Variants in E2F3 observed in about 807,000 individuals in gnomAD.
E2F3 encodes transcription factor E2F3.
A neutral mutation model predicts 44.4 loss-of-function variants in E2F3; 11 were observed. The observed-to-expected ratio is 0.25, with a 90% CI of 0.16 to 0.41. E2F3 has a LOEUF of 0.41. Among genes scored for constraint, E2F3 ranks in the 10% least tolerant of loss-of-function variants. The pLI is 1.00. For missense variants in E2F3, 487 were observed against 583.6 expected, an observed-to-expected ratio of 0.83 and a Z score of 1.70; for synonymous variants, 249 against 253.0, an observed-to-expected ratio of 0.98 and a Z score of 0.15.
intron 1 of E2F3, among the ~76,000 whole-genome samples, chr6:20,419,707 G>A (rs946176175): frequency 1.1e-4 from 16 of 144,282 alleles, no homozygotes; most frequent in Non-Finnish European, 2.1e-4. Flanking sequence ...CTGGACTACA[G>A]GCGCACGCCA....
In E2F3 at chr6:20,486,814, A is replaced by G. The variant is rs1489141498; in HGVS notation, c.999+11A>G. On this transcript the variant is annotated intron_variant, in intron 5 of 6. Transcript: ENST00000346618. ...CCTGACTCAATAGAGGTAAGGAGAC[A>G]GCGTCTTTGTTCATCTGCAAAGATC... 2 of 1,542,600 alleles carry G rather than the reference A, an allele frequency of 1.3e-6. No homozygotes were observed. The highest frequency in any genetic ancestry group is 2.3e-5 in the South Asian group (2 of 86,860).
At chr6:20,422,367 T>C (rs1490325220) in intron 1 of E2F3, among the ~76,000 whole-genome samples, 6 of 152,218 alleles carry the variant, frequency 3.9e-5, no homozygotes, top group African/African-American at 1.2e-4. Flanking sequence ...TGGTTTGATC[T>C]TCTATCCAGA....
intron 1 of E2F3, among the ~76,000 whole-genome samples, chr6:20,459,253 CAG>C (rs1440935794): frequency 2.0e-5 from 3 of 152,164 alleles, no homozygotes; most frequent in Non-Finnish European, 4.4e-5. Flanking sequence ...GCCTGGGTGA[CAG>C]AGTGAAACTC....
intron 6 of E2F3, among the ~76,000 whole-genome samples, chr6:20,489,540 ATT>A (rs1762497145): frequency 6.6e-6 from 1 of 152,160 alleles, no homozygotes; most frequent in South Asian, 2.1e-4. Flanking sequence ...GTATGTATAT[ATT>A]GTTTTGTTTT....
At chr6:20,406,090 G>A (rs888369168) in intron 1 of E2F3, among the ~76,000 whole-genome samples, 6 of 152,200 alleles carry the variant, frequency 3.9e-5, no homozygotes, top group African/African-American at 1.4e-4. Context: ...CAGGTGGCCA[G>A]AGTTGCAGAC....
intron 1 of E2F3, among the ~76,000 whole-genome samples, chr6:20,467,813 A>G (rs1419446555): frequency 2.0e-5 from 3 of 151,950 alleles, no homozygotes; most frequent in Non-Finnish European, 4.4e-5. Flanking sequence ...CCAGGGAGTT[A>G]GATTGATCCA....
intron 1 of E2F3, among the ~76,000 whole-genome samples, chr6:20,416,540 GA>G (rs1759852540): frequency 6.6e-6 from 1 of 152,078 alleles, no homozygotes; most frequent in Non-Finnish European, 1.5e-5. Flanking sequence ...TGTGGTGCTG[GA>G]CCAGCAGCAT....
At chr6:20,431,532 G>T (rs534346514) in intron 1 of E2F3, among the ~76,000 whole-genome samples, 5 of 152,184 alleles carry the variant, frequency 3.3e-5, no homozygotes, top group Admixed American at 3.3e-4. Flanking sequence ...ACACCCCAGG[G>T]CCACCCTCTA....
chr6:20,452,926 C>T (rs758753773), intron 1 of E2F3, among the ~76,000 whole-genome samples: 1 of 152,116 alleles, frequency 6.6e-6, no homozygotes, highest in Admixed American at 6.5e-5. Flanking sequence ...TGTACTCCAG[C>T]CTGGTGACAG....
rs779571616 is a variant in E2F3, at chr6:20,479,829, G to T, written c.394-17G>T. ...TCCATATGACCGGTGACGAGAGATC[G>T]CACTTTCTTATTACAGGCAAAGCGA... On this transcript the variant is annotated splice_polypyrimidine_tract_variant and intron_variant, in intron 1 of 6. Coordinates refer to ENST00000346618, the MANE Select transcript of E2F3 (RefSeq NM_001949.5). The T allele has an allele frequency of 1.9e-6, 3 of 1,599,604 alleles. No individual in the cohort carries two copies. The highest frequency in any genetic ancestry group is 2.7e-5 in the African/African-American group (2 of 74,594).
Position 20,402,112 on chromosome 6 carries a change from C to T in E2F3, c.-121C>T, listed in dbSNP as rs943090354. 2 of 1,413,158 alleles carry T rather than the reference C, an allele frequency of 1.4e-6. No homozygotes were observed. Among genetic ancestry groups the T allele is most frequent in the Non-Finnish European group, 1.8e-6 (2 of 1,088,276 alleles). The allele number at this position is 1,413,158 out of a possible 1,614,324, so 87.5% of individuals were successfully genotyped here. ...AAAAAGAAAAGAGAGAGAGGGGGCT[C>T]GGAAGCGCCGGGCGGGGAGGAGAGA... On this transcript the variant is annotated 5_prime_UTR_variant, in exon 1 of 7. Coordinates refer to ENST00000346618, the MANE Select transcript of E2F3 (RefSeq NM_001949.5). The surrounding 1 kb of genome is among the most constrained non-coding windows in gnomAD (Gnocchi z 5.6).
At chr6:20,486,376 C>T (rs796825622) in intron 4 of E2F3, among the ~76,000 whole-genome samples, 3 of 152,274 alleles carry the variant, frequency 2.0e-5, no homozygotes, top group Admixed American at 6.5e-5. Context: ...GGGTTCATGC[C>T]ATTCTCCGGC....
At chr6:20,477,477 C>G (rs1028998981) in intron 1 of E2F3, among the ~76,000 whole-genome samples, 2 of 152,142 alleles carry the variant, frequency 1.3e-5, no homozygotes, top group Non-Finnish European at 2.9e-5. Context: ...TGAAATAGGC[C>G]GTGCTGGGCA....
In E2F3 at chr6:20,431,654, T is replaced by C. The variant is rs188558699; in HGVS notation, c.393+29029T>C. Among the ~76,000 whole-genome samples the C allele has an allele frequency of 1.2e-4, 18 of 152,188 alleles. No individual in the cohort carries two copies. The East Asian group carries it at 3.1e-3, about 26-fold the overall frequency. On this transcript the variant is annotated intron_variant, in intron 1 of 6. Coordinates refer to ENST00000346618, the MANE Select transcript of E2F3 (RefSeq NM_001949.5). ...AGCAGAATGAAGCCCCTGTTACCTGTAGCCATGACCTTCTACACACACTCT... is the reference window on the plus strand; with the variant it reads ...AGCAGAATGAAGCCCCTGTTACCTGCAGCCATGACCTTCTACACACACTCT...
At chr6:20,489,473 TA>T (rs540736550) in intron 6 of E2F3, among the ~76,000 whole-genome samples, 14 of 148,826 alleles carry the variant, frequency 9.4e-5, no homozygotes, top group African/African-American at 1.5e-4. Flanking sequence ...CGCCGTCTCT[TA>T]AAAAAAAAAG....
intron 5 of E2F3, 107 bp downstream of exon 5, chr6:20,486,910 A>T (rs1209379733): frequency 3.0e-6 from 2 of 677,540 alleles, no homozygotes; most frequent in Non-Finnish European, 5.0e-6. Flanking sequence ...TATGAACTTG[A>T]TGGTTCTTTC....
chr6:20,425,678 G>A (rs1240882105), intron 1 of E2F3, among the ~76,000 whole-genome samples: 6 of 152,186 alleles, frequency 3.9e-5, no homozygotes, highest in African/African-American at 1.2e-4. Flanking sequence ...GATTACAGGC[G>A]TGAGCCACTG....
At chr6:20,481,162 T>C in intron 2 of E2F3, 44 bp from the exon 3 acceptor site, 1 of 1,585,672 alleles carries the variant, frequency 6.3e-7, no homozygotes, top group Non-Finnish European at 8.6e-7. Flanking sequence ...TTTCTTTACC[T>C]TTCCCCCTAT....
At chr6:20,472,520 C>G (rs539152988) in intron 1 of E2F3, among the ~76,000 whole-genome samples, 2 of 151,814 alleles carry the variant, frequency 1.3e-5, no homozygotes, top group South Asian at 4.2e-4. Context: ...GACCTCATCT[C>G]TACCAAAAAA....
Sources: allele counts gnomAD v4.1 joint callset (sites outside exome capture counted in the v4.1 genomes callset), GRCh38; gene constraint gnomAD v4.1.1; non-coding constraint Gnocchi (gnomAD v3.1); transcripts MANE v1.5; gene names NCBI Gene and HGNC (gene_info 2026-07-23, HGNC 2026-07-21).